CGNL1: variants seen among roughly 807,000 people sequenced by gnomAD.
CGNL1 encodes the protein cingulin like 1, also known as cingulin-like protein 1.
A neutral mutation model predicts 141.2 loss-of-function variants in CGNL1; 132 were observed. That is an observed-to-expected ratio of 0.93 (90% CI 0.81 to 1.08). CGNL1 has a LOEUF of 1.08. CGNL1 is among the 50% of genes least tolerant of loss of function. The probability of loss-of-function intolerance (pLI) is 0.00; values close to 1 mark genes in which losing one functional copy is unlikely to be tolerated. For missense variants in CGNL1, 1,870 were observed against 1,588.6 expected (o/e 1.18, Z -3.01); for synonymous variants, 690 against 622.1 (o/e 1.11, Z -1.63).
chr15:57,528,644 C>T lies in CGNL1; in HGVS notation c.3040-10C>T, dbSNP rs371950141. 186 of 1,613,710 alleles carry T rather than the reference C, an allele frequency of 1.2e-4. 1 individual carries two copies. In the African/African-American group the frequency reaches 2.3e-3, roughly 20 times the overall value. ...CCCCAGAAAACCATCCCAGCTGTCT[C>T]TCCTCCTAGATGCGTCTGATGGAGG... On this transcript the variant is annotated splice_polypyrimidine_tract_variant and intron_variant, in intron 12 of 18. Transcript: ENST00000281282.
intron 8 of CGNL1, among the ~76,000 whole-genome samples, chr15:57,468,248 T>C (rs2063535116): frequency 1.4e-5 from 2 of 139,238 alleles, no homozygotes; most frequent in Non-Finnish European, 3.1e-5. Flanking sequence ...TTTTTTTTTT[T>C]TTTTTTTTTT....
intron 7 of CGNL1, among the ~76,000 whole-genome samples, chr15:57,455,529 G>A (rs1355168950): frequency 4.6e-5 from 7 of 152,132 alleles, no homozygotes; most frequent in Admixed American, 2.0e-4. Flanking sequence ...CTCACTTGAC[G>A]TTGCACATAT....
chr15:57,442,199 A>AAAAAAAAAAAAAAAAAAAAAAC (rs2063197816), intron 3 of CGNL1, among the ~76,000 whole-genome samples, 174 bp from the exon 4 acceptor site: 1 of 150,718 alleles, frequency 6.6e-6, no homozygotes, highest in African/African-American at 2.4e-5. Context: ...AAAAAAAAAA[A>AAAAAAAAAAAAAAAAAAAAAAC]AAAAGACACC....
At chr15:57,538,005 T>TCCCCGCCACC (rs1162282928) in intron 14 of CGNL1, among the ~76,000 whole-genome samples, 44 of 144,160 alleles carry the variant, frequency 3.1e-4, no homozygotes, top group African/African-American at 1.1e-3. Context: ...TTTTCCCTCC[T>TCCCCGCCACC]CCCCGCCACC....
intron 8 of CGNL1, among the ~76,000 whole-genome samples, chr15:57,512,270 G>A (rs1171311775): frequency 6.6e-6 from 1 of 152,164 alleles, no homozygotes; most frequent in South Asian, 2.1e-4. Context: ...TGAACAAAAG[G>A]TTAGGATTTT....
intron 8 of CGNL1, among the ~76,000 whole-genome samples, chr15:57,501,685 G>A (rs1410489635): frequency 1.3e-5 from 2 of 152,206 alleles, no homozygotes; most frequent in Non-Finnish European, 2.9e-5. Context: ...AAGGGATGGG[G>A]TTGGGGCAAG....
intron 1 of CGNL1, among the ~76,000 whole-genome samples, chr15:57,414,880 C>G (rs1225436377): frequency 2.0e-5 from 3 of 152,154 alleles, no homozygotes; most frequent in Non-Finnish European, 4.4e-5. Context: ...ATTGCATTGT[C>G]TATGTTTCCG....
At chr15:57,467,070 T>C (rs2063519076) in intron 8 of CGNL1, among the ~76,000 whole-genome samples, 1 of 152,210 alleles carries the variant, frequency 6.6e-6, no homozygotes, top group Admixed American at 6.5e-5. Flanking sequence ...GCATTATTTT[T>C]AAATACAGCA....
At chr15:57,423,433 G>A (rs1283573090) in intron 1 of CGNL1, among the ~76,000 whole-genome samples, 1 of 34,796 alleles carries the variant, frequency 2.9e-5, no homozygotes, top group East Asian at 9.5e-4. Context: ...TGTTTTATGA[G>A]ACAGCCTTTT....
At chr15:57,482,737 T>C (rs1328275635) in intron 8 of CGNL1, among the ~76,000 whole-genome samples, 1 of 152,188 alleles carries the variant, frequency 6.6e-6, no homozygotes, top group East Asian at 1.9e-4. Context: ...TTATTCTTTT[T>C]TAAAATTGTT....
intron 8 of CGNL1, among the ~76,000 whole-genome samples, chr15:57,482,277 C>T (rs1039612857): frequency 6.6e-6 from 1 of 152,248 alleles, no homozygotes; most frequent in Non-Finnish European, 1.5e-5. Context: ...TTGAAAGGTA[C>T]AAGTCTTTAG....
chr15:57,478,209 T>G (rs2942036), intron 8 of CGNL1: 143,590 of 152,280 alleles, frequency 0.94, 67,937 homozygotes, highest in Non-Finnish European at 0.99. Flanking sequence ...CAGGGGCCTG[T>G]CTCTCCATGG....
chr15:57,546,012 G>T, intron 17 of CGNL1, 64 bp from the exon 18 acceptor site: 4 of 1,553,772 alleles, frequency 2.6e-6, no homozygotes, highest in Non-Finnish European at 3.5e-6. Flanking sequence ...CTGGACCTGG[G>T]GTAAGCTGAG....
Position 57,438,239 on chromosome 15 carries a change from G to A in CGNL1, c.240G>A (p.Val80=), listed in dbSNP as rs773775045. 8 of 1,614,078 alleles carry A rather than the reference G, an allele frequency of 5.0e-6. No individual in the cohort carries two copies. The South Asian group carries it at 8.8e-5, about 18-fold the overall frequency. Residue 80 remains valine, a synonymous_variant, in exon 2 of 19, where the codon GTG becomes GTA. Coordinates refer to ENST00000281282, the MANE Select transcript of CGNL1 (RefSeq NM_032866.5). ...ATGGGCCACCCTTTCCACCTCCAGTGATAAATAACCTGCCTCTACATTCCA... is the reference window on the plus strand; with the variant it reads ...ATGGGCCACCCTTTCCACCTCCAGTAATAAATAACCTGCCTCTACATTCCA... The part of the protein sequence containing the change: ...SENGPPFPPP[V]INNLPLHSSN...
At chr15:57,543,985 A>G (rs1168660761) in intron 15 of CGNL1, among the ~76,000 whole-genome samples, 6 of 152,182 alleles carry the variant, frequency 3.9e-5, no homozygotes, top group African/African-American at 1.4e-4. Flanking sequence ...GAGGAATTGC[A>G]TGTGTTATTT....
intron 1 of CGNL1, among the ~76,000 whole-genome samples, chr15:57,434,784 A>G (rs76125367): frequency 0.017 from 2,548 of 152,322 alleles, 24 homozygotes; most frequent in Admixed American, 0.028. Context: ...ATGTCCAGCT[A>G]GACCACCAAT....
intron 1 of CGNL1, among the ~76,000 whole-genome samples, chr15:57,434,064 C>T (rs145288889): frequency 1.0e-4 from 15 of 147,464 alleles, no homozygotes; most frequent in African/African-American, 3.7e-4. Context: ...CCAAAGCCTT[C>T]AATATGAAAA....
chr15:57,452,131 T>C lies in CGNL1; in HGVS notation c.1906-10T>C. The C allele has an allele frequency of 6.2e-7, 1 of 1,609,952 alleles. No homozygotes were observed. Among genetic ancestry groups the C allele is most frequent in the Non-Finnish European group, 8.5e-7 (1 of 1,178,440 alleles). ...TGGAGGCTCTTTAAAATCACACTGA[T>C]TCCTGTTAGAATCAACAGAACATTA... is the stretch of plus-strand genomic sequence containing the variant. On this transcript the variant is annotated splice_polypyrimidine_tract_variant and intron_variant, in intron 5 of 18. Coordinates refer to ENST00000281282, the MANE Select transcript of CGNL1 (RefSeq NM_032866.5).
At chr15:57,388,081 C>G (rs1047701165) in intron 1 of CGNL1, among the ~76,000 whole-genome samples, 1 of 152,186 alleles carries the variant, frequency 6.6e-6, no homozygotes, top group Admixed American at 6.5e-5. Flanking sequence ...TTACCCTGCC[C>G]CACTTCTGAC....
Sources: allele counts gnomAD v4.1 joint callset (sites outside exome capture counted in the v4.1 genomes callset), GRCh38; gene constraint gnomAD v4.1.1; transcripts MANE v1.5; gene names NCBI Gene and HGNC (gene_info 2026-07-23, HGNC 2026-07-21).